NUCKS1: variants seen among roughly 807,000 people sequenced by gnomAD.
NUCKS1 encodes the protein nuclear ubiquitous casein and cyclin-dependent kinase substrate 1.
NUCKS1 carries 2 observed loss-of-function variants against 33.0 expected under a neutral mutation model. The observed-to-expected ratio is 0.06, with a 90% CI of 0.02 to 0.19. The LOEUF (loss-of-function observed/expected upper bound fraction) is 0.19, where lower values mean the gene tolerates loss of function less well. Ranked by LOEUF, NUCKS1 falls within the 10% of genes least tolerant of loss-of-function variation. The probability of loss-of-function intolerance (pLI) is 1.00; values close to 1 mark genes in which losing one functional copy is unlikely to be tolerated. For synonymous variants in NUCKS1, 106 were observed against 102.8 expected (o/e 1.03, Z -0.19); for missense variants, 201 against 293.6 (o/e 0.68, Z 2.31).
intron 1 of NUCKS1, among the ~76,000 whole-genome samples, chr1:205,740,274 G>C (rs1176880668): frequency 2.6e-5 from 4 of 151,600 alleles, no homozygotes; most frequent in African/African-American, 9.7e-5. Context: ...CAAAGTGCTG[G>C]GATTATAGGC....
At chr1:205,749,275 G>A (rs1333592586) in intron 1 of NUCKS1, among the ~76,000 whole-genome samples, 1 of 152,242 alleles carries the variant, frequency 6.6e-6, no homozygotes, top group African/African-American at 2.4e-5. Flanking sequence ...CTGAGGTGGG[G>A]AGAGAGGCAG....
intron 3 of NUCKS1, among the ~76,000 whole-genome samples, chr1:205,726,604 G>C (rs1653782754): frequency 6.6e-6 from 1 of 152,194 alleles, no homozygotes; most frequent in African/African-American, 2.4e-5. Flanking sequence ...CTGCTCATTT[G>C]TAATAGTATT....
Position 205,720,534 on chromosome 1 carries a change from G to C in NUCKS1, c.349C>G (p.Gln117Glu). Residue 117 changes from glutamine to glutamate, a missense_variant, in exon 5 of 7, where the codon CAA becomes GAA. By Grantham distance (29) the Gln-to-Glu change is conservative (BLOSUM62 2). Coordinates refer to ENST00000367142, the MANE Select transcript of NUCKS1 (RefSeq NM_022731.5). The stretch of plus-strand genomic sequence containing the variant: ...AATGGTGCCTCATCCTCCTCTTCTT[G>C]TTCTTCCTCACTGCCCACATCTTCC... ...LMEDVGSEEE[Q>E]EEEDEAPFQE... 1 of 1,614,018 alleles carries C rather than the reference G, an allele frequency of 6.2e-7. No individual in the cohort carries two copies. The highest frequency in any genetic ancestry group is 8.5e-7 in the Non-Finnish European group (1 of 1,179,980).
chr1:205,749,761 G>T (rs1351489205), intron 1 of NUCKS1, among the ~76,000 whole-genome samples, 196 bp downstream of exon 1: 1 of 150,890 alleles, frequency 6.6e-6, no homozygotes, highest in African/African-American at 2.4e-5. Flanking sequence ...GGGGAGGGGC[G>T]CGCGCACGGG....
intron 1 of NUCKS1, among the ~76,000 whole-genome samples, chr1:205,747,123 T>C (rs1251042138): frequency 6.6e-6 from 1 of 152,162 alleles, no homozygotes; most frequent in Non-Finnish European, 1.5e-5. Flanking sequence ...TCAGCACTAA[T>C]AACATTAATA....
chr1:205,730,393 TTC>T (rs1030233695), intron 1 of NUCKS1, among the ~76,000 whole-genome samples: 3 of 152,012 alleles, frequency 2.0e-5, no homozygotes, highest in African/African-American at 7.2e-5. Flanking sequence ...GTACTTAACA[TTC>T]TGTTATAAGA....
At chr1:205,749,924 C>T (rs1298608862) in intron 1 of NUCKS1, 33 bp downstream of exon 1, 2 of 1,605,004 alleles carry the variant, frequency 1.2e-6, no homozygotes, top group African/African-American at 1.3e-5. Flanking sequence ...CATCCCCCTC[C>T]AACCCGCTCC....
chr1:205,737,965 A>G (rs2102443567), intron 1 of NUCKS1, among the ~76,000 whole-genome samples: 1 of 152,354 alleles, frequency 6.6e-6, no homozygotes, highest in Non-Finnish European at 1.5e-5. Flanking sequence ...AAAAGCTTTG[A>G]AAGTTCCACA....
At chr1:205,739,997 G>GTTT (rs60866378) in intron 1 of NUCKS1, among the ~76,000 whole-genome samples, 17,224 of 81,456 alleles carry the variant, frequency 0.21, 3,465 homozygotes, top group East Asian at 0.42. Context: ...TTTACTTTAG[G>GTTT]TTTTTTTTTT....
chr1:205,747,392 C>G (rs1398127098), intron 1 of NUCKS1, among the ~76,000 whole-genome samples: 1 of 152,172 alleles, frequency 6.6e-6, no homozygotes, highest in Non-Finnish European at 1.5e-5. Context: ...CAGTCGGCCA[C>G]TGCAAAGGGT....
At chr1:205,719,842 C>T in intron 5 of NUCKS1, 166 bp from the exon 6 acceptor site, 1 of 618,526 alleles carries the variant, frequency 1.6e-6, no homozygotes, top group Non-Finnish European at 2.6e-6. Flanking sequence ...TCACTGGCCT[C>T]ATTTGTCAAA....
In NUCKS1 at chr1:205,712,837, T is replaced by C. The variant is rs936679904; in HGVS notation, c.*5443A>G. On this transcript the variant is annotated 3_prime_UTR_variant, in exon 7 of 7. Coordinates refer to ENST00000367142, the MANE Select transcript of NUCKS1 (RefSeq NM_022731.5). ...AAGTGTGTTCTGTGAGTATAAACAT[T>C]ATCTTTTATTATATATGATTGTTAA... 1 of 152,190 alleles carries C rather than the reference T, an allele frequency of 6.6e-6. No individual in the cohort carries two copies. Among genetic ancestry groups the C allele is most frequent in the Non-Finnish European group, 1.5e-5 (1 of 68,028 alleles). The allele number at this position is 152,190 out of a possible 1,614,324, so 9.4% of individuals were successfully genotyped here.
chr1:205,746,965 G>C (rs1354893951), intron 1 of NUCKS1, among the ~76,000 whole-genome samples: 1 of 152,158 alleles, frequency 6.6e-6, no homozygotes, highest in Non-Finnish European at 1.5e-5. Context: ...TGAATTTCAA[G>C]AAATCTGGTT....
chr1:205,749,643 A>C (rs1186287446), intron 1 of NUCKS1, among the ~76,000 whole-genome samples: 1 of 151,752 alleles, frequency 6.6e-6, no homozygotes, highest in African/African-American at 2.4e-5. Flanking sequence ...CGCTGACTTC[A>C]CACCCCTCCC....
At chr1:205,722,855 G>A (rs1428981174) in intron 4 of NUCKS1, among the ~76,000 whole-genome samples, 2 of 152,210 alleles carry the variant, frequency 1.3e-5, no homozygotes, top group East Asian at 1.9e-4. Flanking sequence ...CATAGTCAGT[G>A]TTCAAGTCAT....
At chr1:205,731,982 A>G (rs1653925853) in intron 1 of NUCKS1, among the ~76,000 whole-genome samples, 1 of 152,198 alleles carries the variant, frequency 6.6e-6, no homozygotes, top group Admixed American at 6.5e-5. Flanking sequence ...GTATAGATTA[A>G]GACACCATTT....
At chr1:205,726,312 T>C (rs1460789345) in intron 3 of NUCKS1, among the ~76,000 whole-genome samples, 1 of 152,158 alleles carries the variant, frequency 6.6e-6, no homozygotes, top group African/African-American at 2.4e-5. Flanking sequence ...GCCCAGGAGT[T>C]TGAAACTAGC....
chr1:205,743,996 T>C (rs1485827701), intron 1 of NUCKS1, among the ~76,000 whole-genome samples: 1 of 152,208 alleles, frequency 6.6e-6, no homozygotes, highest in Non-Finnish European at 1.5e-5. Flanking sequence ...CTTAAAACAA[T>C]GCCACCTTTT....
In NUCKS1 at chr1:205,726,178, G is replaced by T. The variant is rs534447901; in HGVS notation, c.173+1522C>A. On this transcript the variant is annotated intron_variant, in intron 3 of 6. Coordinates refer to ENST00000367142, the MANE Select transcript of NUCKS1 (RefSeq NM_022731.5). Reference sequence around the variant, plus strand: ...CATACCATTGCACTCCAGCCTGGGTGACAAGAGTGAGACTGCCTCAAAAAA... The same window carrying T: ...CATACCATTGCACTCCAGCCTGGGTTACAAGAGTGAGACTGCCTCAAAAAA... 2.0e-4 allele frequency among the ~76,000 whole-genome samples: 31 copies of T among 152,236 alleles called. No homozygotes were observed. The South Asian group carries it at 6.2e-3, about 31-fold the overall frequency.
Sources: gnomAD v4.1 joint callset for allele counts (sites outside exome capture counted in the v4.1 genomes callset) on GRCh38, gnomAD v4.1.1 for gene constraint, MANE v1.5 for transcripts, NCBI Gene and HGNC (gene_info 2026-07-23, HGNC 2026-07-21) for gene names.